Variants in MOK observed in about 807,000 individuals in gnomAD.
The protein encoded by MOK is MOK protein kinase, also known as MAPK/MAK/MRK overlapping kinase.
A neutral mutation model predicts 54.2 loss-of-function variants in MOK; 59 were observed. The ratio of observed to expected loss-of-function variants is 1.09; its 90% confidence interval spans 0.88 to 1.35. The LOEUF is 1.35. MOK is among the 40% of genes most tolerant of loss of function. The pLI is 0.00. For missense variants in MOK, 517 were observed against 526.2 expected (o/e 0.98, Z 0.17); for synonymous variants, 210 against 202.7 (o/e 1.04, Z -0.31).
chr14:102,300,323 CA>C (rs71468398), intron 1 of MOK, among the ~76,000 whole-genome samples: 1,730 of 38,488 alleles, frequency 0.045, 6 homozygotes, highest in African/African-American at 0.12. Context: ...AACTCTATCT[CA>C]AAAAAAAAAA....
At chr14:102,296,004 G>C (rs1453537410) in intron 1 of MOK, among the ~76,000 whole-genome samples, 1 of 152,072 alleles carries the variant, frequency 6.6e-6, no homozygotes, top group African/African-American at 2.4e-5. Context: ...CCAGCACTTT[G>C]GGAGACCAAG....
chr14:102,242,423 T>C (rs1341580221), intron 7 of MOK, among the ~76,000 whole-genome samples: 1 of 152,112 alleles, frequency 6.6e-6, no homozygotes, highest in African/African-American at 2.4e-5. Flanking sequence ...TCCTAGACTA[T>C]AGCCACACCT....
rs138096921 is a variant in MOK at position 102,254,933 on chromosome 14, G to T, written c.284-2938C>A. Among the ~76,000 whole-genome samples the T allele has an allele frequency of 2.8e-3, 433 of 152,198 alleles. 2 individuals are homozygous for T. The highest frequency in any genetic ancestry group is 9.8e-3 in the African/African-American group (406 of 41,530). On this transcript the variant is annotated intron_variant, in intron 4 of 11. Transcript: ENST00000361847. ...ATGTCCACACATTTAAATCTTACTC[G>T]TATCATAAAATTGTCATTAGAGTCA... is the stretch of plus-strand genomic sequence containing the variant.
rs538629563 is a variant in MOK at position 102,256,273 on chromosome 14, T to A, written c.284-4278A>T. Among the ~76,000 whole-genome samples, 43 of 151,986 alleles carry A rather than the reference T, an allele frequency of 2.8e-4. 1 individual carries two copies. In the South Asian group the frequency reaches 5.2e-3, roughly 18 times the overall value. On this transcript the variant is annotated intron_variant, in intron 4 of 11. Coordinates refer to ENST00000361847, the MANE Select transcript of MOK (RefSeq NM_014226.3). ...CACCACACCCGGATGCTTTTTTTTT[T>A]AATTTTTTGGGCTGGGCACGGTGGC...
intron 2 of MOK, among the ~76,000 whole-genome samples, chr14:102,268,563 A>G (rs576190965): frequency 1.9e-3 from 286 of 152,278 alleles, no homozygotes; most frequent in African/African-American, 6.4e-3. Flanking sequence ...GACATTTACC[A>G]TAAGTGGAAT....
downstream of MOK, chr14:102,224,744 G>A (rs1457665721): frequency 4.4e-6 from 2 of 455,926 alleles, no homozygotes; most frequent in Non-Finnish European, 8.8e-6. Context: ...CCACTCGAAG[G>A]CGCCAGCAGG....
At chr14:102,252,610 G>A (rs2066622411) in intron 4 of MOK, among the ~76,000 whole-genome samples, 1 of 152,086 alleles carries the variant, frequency 6.6e-6, no homozygotes, top group Admixed American at 6.5e-5. Flanking sequence ...GTAATTTTTA[G>A]AATTGTCAAA....
At chr14:102,237,556 GGCCCTCTCA>G (rs1230467177) in intron 7 of MOK, among the ~76,000 whole-genome samples, 4 of 152,144 alleles carry the variant, frequency 2.6e-5, no homozygotes, top group African/African-American at 7.2e-5. Context: ...AGCAGCCAAA[GGCCCTCTCA>G]GTGAGCCTCT....
At chr14:102,226,654 C>A (rs1026883449), downstream of MOK, among the ~76,000 whole-genome samples, 1 of 152,168 alleles carries the variant, frequency 6.6e-6, no homozygotes, top group African/African-American at 2.4e-5. This position sits in a 1 kb window ranked among gnomAD's most constrained non-coding sequence, Gnocchi z 4.8. Context: ...GGGACCCTGA[C>A]GCCTCCTGCC....
intron 7 of MOK, among the ~76,000 whole-genome samples, chr14:102,234,456 G>A (rs998437837): frequency 6.6e-5 from 10 of 152,052 alleles, no homozygotes; most frequent in East Asian, 1.9e-4. Flanking sequence ...AAGACCCAGC[G>A]CTGGGCCAAG....
Position 102,266,171 on chromosome 14 carries a change from A to G in MOK, c.123-259T>C, listed in dbSNP as rs79633137. Among the ~76,000 whole-genome samples the G allele has an allele frequency of 4.6e-3, 708 of 152,344 alleles. 6 individuals are homozygous for G. The highest frequency in any genetic ancestry group is 0.016 in the African/African-American group (655 of 41,590). On this transcript the variant is annotated intron_variant, in intron 2 of 11. Transcript: ENST00000361847. Reference sequence around the variant, plus strand: ...AAGAATACTTGGTAGTTTATTTTACATATTAACAAACATAAAAGTAGACAT... The same window carrying G: ...AAGAATACTTGGTAGTTTATTTTACGTATTAACAAACATAAAAGTAGACAT...
At chr14:102,286,962 A>G (rs1445618170) in intron 1 of MOK, among the ~76,000 whole-genome samples, 4 of 151,494 alleles carry the variant, frequency 2.6e-5, no homozygotes, top group Non-Finnish European at 2.9e-5. Context: ...CTTAAAAACT[A>G]TACACACACA....
At chr14:102,304,927 C>T (rs770434703) in intron 1 of MOK, 35 bp downstream of exon 1, 12 of 1,584,346 alleles carry the variant, frequency 7.6e-6, no homozygotes, top group African/African-American at 1.3e-5. Flanking sequence ...GCCACTCGCT[C>T]TCCAGTCCCT....
intron 7 of MOK, among the ~76,000 whole-genome samples, chr14:102,237,148 T>G (rs186173406): frequency 6.6e-6 from 1 of 152,328 alleles, no homozygotes. Context: ...CCTCAAGGCT[T>G]CAGAGATAAC....
chr14:102,286,475 A>G (rs1043178982), intron 1 of MOK, among the ~76,000 whole-genome samples: 37 of 150,988 alleles, frequency 2.5e-4, no homozygotes, highest in African/African-American at 8.0e-4. Context: ...GCCAGACTCA[A>G]TGGCACACGC....
chr14:102,289,262 C>CA (rs2070480178), intron 1 of MOK, among the ~76,000 whole-genome samples: 2 of 151,044 alleles, frequency 1.3e-5, no homozygotes, highest in Admixed American at 1.3e-4. Context: ...AAAAAAAAAA[C>CA]AGAGTTAGGA....
chr14:102,215,624 C>T, the MOK span, among the ~76,000 whole-genome samples: 474 of 152,238 alleles, frequency 3.1e-3, no homozygotes, highest in African/African-American at 0.011. Flanking sequence ...CTCCCCTTGC[C>T]CCCAGGTAGG....
chr14:102,225,935 C>T (rs151053526), downstream of MOK: 25 of 239,086 alleles, frequency 1.0e-4, no homozygotes, highest in African/African-American at 5.6e-4. Flanking sequence ...CTTTCTTACA[C>T]TTCTGGCGTT....
chr14:102,247,198 C>T (rs751394523), intron 7 of MOK, among the ~76,000 whole-genome samples: 1 of 152,142 alleles, frequency 6.6e-6, no homozygotes, highest in African/African-American at 2.4e-5. Flanking sequence ...AAGCCCCCAG[C>T]CTAAAGCAAA....
Sources: allele counts gnomAD v4.1 joint callset (sites outside exome capture counted in the v4.1 genomes callset), GRCh38; gene constraint gnomAD v4.1.1; non-coding constraint Gnocchi (gnomAD v3.1); transcripts MANE v1.5; gene names NCBI Gene and HGNC (gene_info 2026-07-23, HGNC 2026-07-21).